Variants in COG2 observed in about 807,000 individuals in gnomAD.
COG2 encodes the protein component of oligomeric golgi complex 2.
COG2 carries 52 observed loss-of-function variants against 90.6 expected under a neutral mutation model. The ratio of observed to expected loss-of-function variants is 0.57; its 90% CI spans 0.46 to 0.72. The LOEUF (loss-of-function observed/expected upper bound fraction) is 0.72. Among genes scored for constraint, COG2 ranks in the 30% least tolerant of loss-of-function variants. COG2 has a pLI of 0.00. For missense variants in COG2, 829 were observed against 891.2 expected, an observed-to-expected ratio of 0.93 and a Z score of 0.89; for synonymous variants, 337 against 320.4, an observed-to-expected ratio of 1.05 and a Z score of -0.55.
chr1:230,663,450 T>C (rs1662240226), intron 4 of COG2, among the ~76,000 whole-genome samples: 1 of 152,222 alleles, frequency 6.6e-6, no homozygotes, highest in Non-Finnish European at 1.5e-5. Context: ...CCAAGCACAC[T>C]TATTAAAATC....
intron 1 of COG2, among the ~76,000 whole-genome samples, chr1:230,650,524 G>C (rs1010897663): frequency 6.6e-6 from 1 of 152,062 alleles, no homozygotes; most frequent in Non-Finnish European, 1.5e-5. Context: ...GTCTGTTCAT[G>C]TCTTTTGCCC....
At chr1:230,674,182 A>G (rs1334676166) in intron 8 of COG2, among the ~76,000 whole-genome samples, 2 of 152,226 alleles carry the variant, frequency 1.3e-5, no homozygotes, top group African/African-American at 4.8e-5. Flanking sequence ...CTTTTACTAT[A>G]TGTTAGGCAC....
At chr1:230,668,473 G>A (rs1051612884) in intron 5 of COG2, among the ~76,000 whole-genome samples, 1 of 152,152 alleles carries the variant, frequency 6.6e-6, no homozygotes, top group Middle Eastern at 3.2e-3. Flanking sequence ...AGAACATGCT[G>A]TGCATATGGC....
intron 8 of COG2, among the ~76,000 whole-genome samples, chr1:230,673,732 C>A (rs1385362812): frequency 1.3e-5 from 2 of 152,084 alleles, no homozygotes; most frequent in Non-Finnish European, 2.9e-5. Flanking sequence ...AGGCAGTCAT[C>A]TTCTTTCCCC....
intron 17 of COG2, 59 bp from the exon 18 acceptor site, chr1:230,693,233 T>A (rs187524214): frequency 1.0e-6 from 1 of 969,540 alleles, no homozygotes; most frequent in African/African-American, 1.7e-5. Context: ...TTCTTTTTTT[T>A]CCCCCCCCAT....
In COG2 at chr1:230,690,157, A is replaced by T. The variant is rs1236847020; in HGVS notation, c.1934+4A>T. ...CTCTCAGTGAAAGCACTCATAAGTA[A>T]GTAAATTAAAAGCAGACCTTGTGGG... On this transcript the variant is annotated splice_donor_region_variant and intron_variant, in intron 16 of 17. Transcript: ENST00000366669. The T allele has an allele frequency of 6.2e-7, 1 of 1,611,008 alleles. No individual in the cohort carries two copies.
chr1:230,671,118 CT>C (rs1364501067), intron 7 of COG2: 1 of 152,530 alleles, frequency 6.6e-6, no homozygotes, highest in Admixed American at 6.5e-5. Flanking sequence ...ATATTTTCTT[CT>C]GTCTTTCTCT....
intron 9 of COG2, 29 bp downstream of exon 9, chr1:230,675,153 T>C: frequency 6.3e-7 from 1 of 1,599,434 alleles, no homozygotes; most frequent in Non-Finnish European, 8.5e-7. Context: ...TCTTGATTCT[T>C]GAAGATGTTA....
chr1:230,686,880 ATGCTCATGTAT>A, intron 12 of COG2, 44 bp from the exon 13 acceptor site: 1 of 1,145,968 alleles, frequency 8.7e-7, no homozygotes, highest in Non-Finnish European at 1.2e-6. Context: ...TAATATATAA[ATGCTCATGTAT>A]CTTGCTAGTG....
chr1:230,666,967 A>C (rs1179438421), intron 5 of COG2, among the ~76,000 whole-genome samples: 1 of 152,232 alleles, frequency 6.6e-6, no homozygotes, highest in Non-Finnish European at 1.5e-5. Context: ...ACACTACAAG[A>C]GTTCCCTTCC....
intron 5 of COG2, 119 bp from the exon 6 acceptor site, chr1:230,668,557 A>G: frequency 3.2e-6 from 2 of 626,816 alleles, no homozygotes; most frequent in Non-Finnish European, 5.5e-6. Flanking sequence ...CACATAAAAC[A>G]CTCTGACAAA....
intron 9 of COG2, among the ~76,000 whole-genome samples, chr1:230,676,484 A>G (rs994133250): frequency 2.6e-5 from 4 of 152,088 alleles, no homozygotes; most frequent in Non-Finnish European, 4.4e-5. Flanking sequence ...ATTAACACCA[A>G]CCATCCCTTC....
intron 5 of COG2, among the ~76,000 whole-genome samples, chr1:230,667,834 G>A (rs1213151508): frequency 6.6e-6 from 1 of 152,160 alleles, no homozygotes; most frequent in Non-Finnish European, 1.5e-5. Context: ...GTGTACACAG[G>A]ATGCCTCAGT....
At chr1:230,665,625 C>G (rs1015891369) in intron 5 of COG2, among the ~76,000 whole-genome samples, 1 of 152,152 alleles carries the variant, frequency 6.6e-6, no homozygotes, top group African/African-American at 2.4e-5. Flanking sequence ...TTCTCATGTC[C>G]TAGGTCTCTA....
chr1:230,654,918 A>G (rs1288839681), intron 1 of COG2, among the ~76,000 whole-genome samples: 1 of 152,116 alleles, frequency 6.6e-6, no homozygotes, highest in Non-Finnish European at 1.5e-5. Context: ...GGTGTATAGG[A>G]ATGCTTGTGA....
At chr1:230,663,332 G>A in intron 4 of COG2, 111 bp downstream of exon 4, 3 of 499,820 alleles carry the variant, frequency 6.0e-6, no homozygotes, top group Non-Finnish European at 1.0e-5. Flanking sequence ...TTTGCAGAGA[G>A]GAGTGTGATG....
In COG2 at chr1:230,642,499, C is replaced by A. The variant is rs554025435; in HGVS notation, c.-108C>A. 21 of 961,104 alleles carry A rather than the reference C, an allele frequency of 2.2e-5. 1 individual carries two copies. The South Asian group carries it at 2.9e-4, about 13-fold the overall frequency. The allele number at this position is 961,104 out of a possible 1,614,324, so 59.5% of individuals were successfully genotyped here. A position where few individuals can be genotyped will look rare whatever the true frequency, so the allele number is the denominator to read the frequency against. On this transcript the variant is annotated 5_prime_UTR_variant, in exon 1 of 18. Transcript: ENST00000366669. The stretch of plus-strand genomic sequence containing the variant: ...CGCTGCCATGTTGGCGGAAGCGGAC[C>A]CCCCTGTGCCGTGGAAACTGGCGGT...
chr1:230,674,640 AT>A (rs1191421934), intron 8 of COG2, among the ~76,000 whole-genome samples: 1 of 152,172 alleles, frequency 6.6e-6, no homozygotes, highest in Non-Finnish European at 1.5e-5. Context: ...TGTGAAGGTT[AT>A]TTTTCCTGTG....
intron 8 of COG2, among the ~76,000 whole-genome samples, chr1:230,674,717 G>A (rs950252667): frequency 1.3e-5 from 2 of 152,142 alleles, no homozygotes; most frequent in African/African-American, 4.8e-5. Flanking sequence ...GTATTTTAGA[G>A]GGAAAAGTGT....
Sources: allele counts gnomAD v4.1 joint callset (sites outside exome capture counted in the v4.1 genomes callset), GRCh38; gene constraint gnomAD v4.1.1; transcripts MANE v1.5; gene names NCBI Gene and HGNC (gene_info 2026-07-23, HGNC 2026-07-21).